The following KHNYN variants were observed in gnomAD, a reference collection of about 807,000 sequenced individuals.
KHNYN encodes KH and NYN domain containing.
A neutral mutation model predicts 62.7 loss-of-function variants in KHNYN; 42 were observed. The observed-to-expected ratio is 0.67, with a 90% CI of 0.52 to 0.87. The LOEUF is 0.87. Ranked by LOEUF, KHNYN falls within the 40% of genes least tolerant of loss-of-function variation. KHNYN has a pLI of 0.00. For missense variants in KHNYN, 829 were observed against 874.1 expected, an observed-to-expected ratio of 0.95 and a Z score of 0.65; for synonymous variants, 347 against 345.6, an observed-to-expected ratio of 1.00 and a Z score of -0.04.
upstream of KHNYN, chr14:24,428,412 G>A (rs1003624867): frequency 1.9e-6 from 3 of 1,613,590 alleles, no homozygotes; most frequent in African/African-American, 1.3e-5. Flanking sequence ...GGACCTGGGG[G>A]AAGCAGAGCC....
rs1419758771 is a variant in KHNYN, at chr14:24,431,865, G to C, written c.604G>C (p.Gly202Arg). Residue 202 changes from glycine (G) to arginine (R), a missense_variant, in exon 3 of 8, where the codon GGG becomes CGG. Transcript: ENST00000553935. ...GGTGCAGGAGGCGTCTAGTGGGCAG[G>C]GGCCAGGAGCACTGGCTTCTTGGGA... The part of the protein sequence containing the change: ...SLVQEASSGQ[G>R]PGALASWEGR... The C allele has an allele frequency of 1.2e-6, 2 of 1,613,964 alleles. No homozygotes were observed. The highest frequency in any genetic ancestry group is 1.7e-6 in the Non-Finnish European group (2 of 1,180,040).
Position 24,440,636 on chromosome 14 carries a change from G to T in KHNYN, c.*3351G>T. The T allele has an allele frequency of 7.4e-7, 1 of 1,349,150 alleles. No homozygotes were observed. The highest frequency in any genetic ancestry group is 1.0e-6 in the Non-Finnish European group (1 of 970,696). The allele number at this position is 1,349,150 out of a possible 1,614,324, so 83.6% of individuals were successfully genotyped here. The stretch of plus-strand genomic sequence containing the variant: ...AAGTGAGCAGTATGGCTGTCTTTAA[G>T]ACCTCACACCTTCTCATCTGCAGGT... On this transcript the variant is annotated 3_prime_UTR_variant, in exon 8 of 8. Transcript: ENST00000553935.
At chr14:24,428,085 G>A, upstream of KHNYN, 2 of 1,393,988 alleles carry the variant, frequency 1.4e-6, no homozygotes, top group East Asian at 2.3e-5. Flanking sequence ...GTTTTAATGG[G>A]CTCTCCCGGG....
At chr14:24,427,762 A>AAAGACTTGTGCTTGAAAG, upstream of KHNYN, 1 of 1,611,004 alleles carries the variant, frequency 6.2e-7, no homozygotes, top group Non-Finnish European at 8.5e-7. The surrounding 1 kb of genome is among the most constrained non-coding windows in gnomAD (Gnocchi z 4.4). Context: ...CAGGGGCTGG[A>AAAGACTTGTGCTTGAAAG]TTCTTGTGCT....
In KHNYN at chr14:24,440,477, C is replaced by A. The variant is rs557845473; in HGVS notation, c.*3192C>A. 1.2e-6 allele frequency: 2 copies of A among 1,606,178 alleles called. No individual in the cohort carries two copies. The highest frequency in any genetic ancestry group is 1.7e-6 in the Non-Finnish European group (2 of 1,176,298). The stretch of plus-strand genomic sequence containing the variant: ...CATGTGGCCCATGGCACCACCCCCA[C>A]GGCCCAGCACAACCCCTAGAGCAGG... On this transcript the variant is annotated 3_prime_UTR_variant, in exon 8 of 8. Transcript: ENST00000553935.
rs1198035659 is a variant in KHNYN, at chr14:24,439,775, CAATT to C, written c.*2491_*2494del. The C allele has an allele frequency of 1.2e-5, 3 of 243,202 alleles. No homozygotes were observed. Among genetic ancestry groups the C allele is most frequent in the Non-Finnish European group, 2.4e-5 (3 of 127,596 alleles). The allele number at this position is 243,202 out of a possible 1,614,324, so 15.1% of individuals were successfully genotyped here. On this transcript the variant is annotated 3_prime_UTR_variant, in exon 8 of 8. Coordinates refer to ENST00000553935, the MANE Select transcript of KHNYN (RefSeq NM_015299.3). ...AAGAGATGAGCCAAGGTTAGTGAGA[CAATT>C]TATTTTTATTGCCTAAACTGCAGAG...
At chr14:24,436,360 T>C in intron 6 of KHNYN, 28 bp from the exon 7 acceptor site, 1 of 1,597,912 alleles carries the variant, frequency 6.3e-7, no homozygotes, top group Non-Finnish European at 8.6e-7. Context: ...GCCCCCTCTG[T>C]GACCACACAT....
At chr14:24,428,090 C>G, upstream of KHNYN, 2 of 1,379,704 alleles carry the variant, frequency 1.4e-6, no homozygotes, top group Non-Finnish European at 1.0e-6. Flanking sequence ...AATGGGCTCT[C>G]CCGGGAGGGC....
chr14:24,433,162 C>A, intron 5 of KHNYN, 130 bp downstream of exon 5: 1 of 790,842 alleles, frequency 1.3e-6, no homozygotes, highest in South Asian at 1.5e-5. Context: ...CCAGTTATTC[C>A]TCTGTGTGCC....
chr14:24,424,622 C>T (rs1410064025), upstream of KHNYN, among the ~76,000 whole-genome samples: 1 of 152,174 alleles, frequency 6.6e-6, no homozygotes, highest in African/African-American at 2.4e-5. Context: ...ACTCAGAGAA[C>T]TTTCTACACT....
At chr14:24,430,373 T>G in intron 1 of KHNYN, 2 of 970,486 alleles carry the variant, frequency 2.1e-6, no homozygotes, top group Non-Finnish European at 1.3e-6. Flanking sequence ...CTGCTGAGGA[T>G]TCGTCCTTAA....
the KHNYN span, among the ~76,000 whole-genome samples, chr14:24,423,778 A>C: frequency 6.6e-6 from 1 of 152,220 alleles, no homozygotes. Context: ...CTCTGTAGGA[A>C]TCAGCTGCCA....
In KHNYN at chr14:24,431,952, G is replaced by A. The variant is rs780185428; in HGVS notation, c.691G>A (p.Gly231Ser). The change falls in exon 3 of 8, where the codon GGC becomes AGC. Residue 231 changes from glycine to serine, a missense_variant. By Grantham distance (56) the Gly-to-Ser change is moderately conservative. This residue lies in a region of KHNYN where 559 missense variants were observed against 527.0 expected (regional missense o/e 1.06). Transcript: ENST00000553935. ...AGGAGTGAGAGCTCCCCCTAGTGAC[G>A]GCAGGGAGTCCCTGGACACTGGATC... ...CQGVRAPPSD[G>S]RESLDTGSMG... The A allele has an allele frequency of 2.9e-5, 47 of 1,613,358 alleles. No homozygotes were observed. The highest frequency in any genetic ancestry group is 3.9e-5 in the Non-Finnish European group (46 of 1,179,464).
chr14:24,435,829 A>G, intron 5 of KHNYN: 1 of 532,858 alleles, frequency 1.9e-6, no homozygotes, highest in Non-Finnish European at 3.3e-6. Flanking sequence ...CTCCATCACC[A>G]GAAGTGGCCT....
At position 24,431,839 on chromosome 14, in the gene KHNYN, T is replaced by A. The variant is rs2043120036; in HGVS notation, c.578T>A (p.Leu193Gln). The change falls in exon 3 of 8, where the codon CTG becomes CAG. Residue 193 changes from leucine to glutamine, a missense_variant. Physicochemically the swap from Leu to Gln is moderately radical, Grantham distance 113. Coordinates refer to ENST00000553935, the MANE Select transcript of KHNYN (RefSeq NM_015299.3). ...GCTGTCCAGGAGGAGCTGCTGAGTC[T>A]GGTGCAGGAGGCGTCTAGTGGGCAG... Reference protein sequence around the residue: ...PLAVQEELLSLVQEASSGQGP... With the variant: ...PLAVQEELLSQVQEASSGQGP... 6.2e-7 allele frequency: 1 copy of A among 1,614,034 alleles called. No individual in the cohort carries two copies. The highest frequency in any genetic ancestry group is 8.5e-7 in the Non-Finnish European group (1 of 1,180,022).
At position 24,440,415 on chromosome 14, in the gene KHNYN, C is replaced by A. The variant is rs200019701; in HGVS notation, c.*3130C>A. ...CAGGGGAAGAATTGGTGGCCTGAGC[C>A]GATGGGGCCCCCCAGGCCCAGGCGA... On this transcript the variant is annotated 3_prime_UTR_variant, in exon 8 of 8. Coordinates refer to ENST00000553935, the MANE Select transcript of KHNYN (RefSeq NM_015299.3). 2 of 1,613,426 alleles carry A rather than the reference C, an allele frequency of 1.2e-6. No homozygotes were observed. The highest frequency in any genetic ancestry group is 4.5e-5 in the East Asian group (2 of 44,860).
chr14:24,430,682 A>G (rs1472535922), intron 1 of KHNYN, 32 bp from the exon 2 acceptor site: 3 of 1,546,922 alleles, frequency 1.9e-6, no homozygotes, highest in South Asian at 2.4e-5. Flanking sequence ...GGAGGGTACA[A>G]TGAGGCTCTG....
At chr14:24,429,150 G>A (rs2043059331), upstream of KHNYN, 4 of 1,291,050 alleles carry the variant, frequency 3.1e-6, no homozygotes, top group Non-Finnish European at 4.2e-6. Context: ...CACCCTGATC[G>A]TCTGCCCTCT....
chr14:24,434,342 G>C, intron 5 of KHNYN: 1 of 985,166 alleles, frequency 1.0e-6, no homozygotes, highest in Non-Finnish European at 1.2e-6. Context: ...TGTGTAATGC[G>C]ATCATAGTAA....
Sources: allele counts gnomAD v4.1 joint callset (sites outside exome capture counted in the v4.1 genomes callset), GRCh38; gene constraint gnomAD v4.1.1; regional missense constraint gnomAD v4.1.1; non-coding constraint Gnocchi (gnomAD v3.1); transcripts MANE v1.5; gene names NCBI Gene and HGNC (gene_info 2026-07-23, HGNC 2026-07-21).